Variants in LITAF observed in about 807,000 individuals in gnomAD.
LITAF encodes lipopolysaccharide induced TNF factor, also known as lipopolysaccharide-induced tumor necrosis factor-alpha factor.
Under a neutral mutation model 14.5 loss-of-function variants are expected in LITAF, and 9 were observed. The observed-to-expected ratio is 0.62, with a 90% CI of 0.37 to 1.08. The LOEUF is 1.08. Ranked by LOEUF, LITAF falls within the 50% of genes least tolerant of loss-of-function variation. The pLI, the probability that LITAF is intolerant of heterozygous loss-of-function variation, is 0.01. For synonymous variants in LITAF, 98 were observed against 88.2 expected (o/e 1.11, Z -0.62); for missense variants, 206 against 213.4 (o/e 0.97, Z 0.22).
chr16:11,582,469 A>G (rs2064753147), intron 1 of LITAF, among the ~76,000 whole-genome samples: 2 of 152,196 alleles, frequency 1.3e-5, no homozygotes, highest in Admixed American at 1.3e-4. Flanking sequence ...GCCTTCAGAA[A>G]GATAAAGCGG....
At chr16:11,626,682 G>C (rs1318892477) in intron 3 of LITAF, among the ~76,000 whole-genome samples, 1 of 151,546 alleles carries the variant, frequency 6.6e-6, no homozygotes, top group Non-Finnish European at 1.5e-5. Flanking sequence ...ATGTTGGCCA[G>C]GCTGGTCTCG....
chr16:11,613,188 T>C (rs368053170), intron 3 of LITAF, among the ~76,000 whole-genome samples: 34 of 152,232 alleles, frequency 2.2e-4, no homozygotes, highest in African/African-American at 7.9e-4. Flanking sequence ...TACAGGCACC[T>C]ACCACCACGC....
chr16:11,623,702 C>T (rs1299688106), intron 3 of LITAF, among the ~76,000 whole-genome samples: 2 of 150,782 alleles, frequency 1.3e-5, no homozygotes, highest in Admixed American at 1.3e-4. Flanking sequence ...TATGGTGGCT[C>T]ACCCCTGTAA....
chr16:11,579,563 C>A (rs1455754844), intron 1 of LITAF, among the ~76,000 whole-genome samples: 1 of 151,000 alleles, frequency 6.6e-6, no homozygotes. Context: ...AGGTTAGGAC[C>A]CTGGCCCAGA....
chr16:11,614,639 A>C (rs992739393), intron 3 of LITAF, among the ~76,000 whole-genome samples: 3 of 151,682 alleles, frequency 2.0e-5, no homozygotes, highest in African/African-American at 7.3e-5. Flanking sequence ...TTACTCTGTC[A>C]CCCAGACTGG....
chr16:11,567,432 A>C (rs531744719), intron 1 of LITAF, among the ~76,000 whole-genome samples: 69 of 151,284 alleles, frequency 4.6e-4, no homozygotes, highest in African/African-American at 1.4e-3. Flanking sequence ...AAAAAAAAAA[A>C]ACACAAAACA....
rs71136668 is a variant in LITAF at position 11,577,316 on chromosome 16, ATTT to A, written c.-6+9567_-6+9569del. On this transcript the variant is annotated intron_variant, in intron 1 of 3. Transcript: ENST00000622633. Reference sequence around the variant, plus strand: ...TGGCATCAGCTCATTAGAAGTGTCTATTTTTTTTTTTTTTTTTTTGAGACGGAG... The same window carrying A: ...TGGCATCAGCTCATTAGAAGTGTCTATTTTTTTTTTTTTTTTGAGACGGAG... Among the ~76,000 whole-genome samples the A allele has an allele frequency of 5.4e-3, 694 of 127,996 alleles. 4 individuals are homozygous for A. The highest frequency in any genetic ancestry group is 0.018 in the African/African-American group (590 of 33,394). The allele number at this position is 127,996 out of a possible 152,430, so 84.0% of individuals were successfully genotyped here. A position where few individuals can be genotyped will look rare whatever the true frequency, so the allele number is the denominator to read the frequency against.
intron 1 of LITAF, among the ~76,000 whole-genome samples, chr16:11,562,113 G>T (rs1889827700): frequency 6.6e-6 from 1 of 151,514 alleles, no homozygotes; most frequent in African/African-American, 2.4e-5. Context: ...TAGAGACAGG[G>T]TCTTGCTAAG....
intron 3 of LITAF, among the ~76,000 whole-genome samples, chr16:11,614,447 A>G (rs1217366794): frequency 6.6e-6 from 1 of 151,500 alleles, no homozygotes; most frequent in Non-Finnish European, 1.5e-5. Context: ...TTATAGGCAC[A>G]CACCACCAGG....
intron 1 of LITAF, among the ~76,000 whole-genome samples, chr16:11,560,393 T>C (rs2064342877): frequency 1.4e-5 from 2 of 141,398 alleles, no homozygotes; most frequent in Admixed American, 7.0e-5. Flanking sequence ...GGTGGATCAT[T>C]TGAGGTAAGG....
At chr16:11,629,276 G>C (rs987979051) in intron 3 of LITAF, 5 of 152,374 alleles carry the variant, frequency 3.3e-5, no homozygotes, top group African/African-American at 4.8e-5. Flanking sequence ...AGTCAGACAT[G>C]ACCTCATCCT....
upstream of LITAF, among the ~76,000 whole-genome samples, chr16:11,588,428 C>T (rs776898459): frequency 6.6e-5 from 10 of 151,200 alleles, no homozygotes; most frequent in Middle Eastern, 3.4e-3. Flanking sequence ...CCTTGACCTC[C>T]GGAGGTTGAG....
chr16:11,567,533 A>T (rs12929294), intron 1 of LITAF, among the ~76,000 whole-genome samples: 26,783 of 152,176 alleles, frequency 0.18, 2,515 homozygotes, highest in South Asian at 0.25. Context: ...TCAGAAAGAA[A>T]AGCTGCCGCA....
upstream of LITAF, among the ~76,000 whole-genome samples, chr16:11,640,010 G>A (rs954734946): frequency 6.6e-6 from 1 of 152,142 alleles, no homozygotes; most frequent in South Asian, 2.1e-4. Context: ...CCTGGCTCAA[G>A]CAATCCACCT....
chr16:11,620,345 A>G (rs1456269927), intron 3 of LITAF, among the ~76,000 whole-genome samples: 1 of 151,918 alleles, frequency 6.6e-6, no homozygotes, highest in Non-Finnish European at 1.5e-5. Context: ...TGATTGTTTA[A>G]AAGACTGTGG....
chr16:11,583,707 A>T (rs2064771220), intron 1 of LITAF, among the ~76,000 whole-genome samples: 1 of 152,156 alleles, frequency 6.6e-6, no homozygotes, highest in Non-Finnish European at 1.5e-5. Flanking sequence ...TAAGCTCTTA[A>T]ACTTACCTGA....
intron 1 of LITAF, among the ~76,000 whole-genome samples, chr16:11,574,009 G>GT (rs1567247167): frequency 0.054 from 3,613 of 67,044 alleles, 113 homozygotes; most frequent in African/African-American, 0.14. Flanking sequence ...GCGTTTTTTT[G>GT]GTTTTTTTTT....
upstream of LITAF, chr16:11,587,214 G>C (rs2064818018): frequency 2.7e-6 from 1 of 374,800 alleles, no homozygotes; most frequent in Non-Finnish European, 5.3e-6. Flanking sequence ...CTGCCTCTCG[G>C]TGCCAGCCCC....
chr16:11,563,989 C>T (rs1567241399), intron 1 of LITAF, among the ~76,000 whole-genome samples: 1 of 152,100 alleles, frequency 6.6e-6, no homozygotes, highest in Non-Finnish European at 1.5e-5. Context: ...TCACTGCAAC[C>T]TCTGCCTCCC....
Sources: allele counts gnomAD v4.1 joint callset (sites outside exome capture counted in the v4.1 genomes callset), GRCh38; gene constraint gnomAD v4.1.1; transcripts MANE v1.5; gene names NCBI Gene and HGNC (gene_info 2026-07-23, HGNC 2026-07-21).